Variants in GRTP1 observed in about 807,000 individuals in gnomAD.
GRTP1 encodes growth hormone-regulated TBC protein 1.
Under a neutral mutation model 38.1 loss-of-function variants are expected in GRTP1, and 56 were observed. The ratio of observed to expected loss-of-function variants is 1.47; its 90% confidence interval spans 1.19 to 1.84. The LOEUF is 1.84. Among genes scored for constraint, GRTP1 ranks in the 40% most tolerant of loss-of-function variants. GRTP1 has a pLI of 0.00. For missense variants in GRTP1, 506 were observed against 453.9 expected (o/e 1.11, Z -1.04); for synonymous variants, 217 against 189.5 (o/e 1.14, Z -1.19).
chr13:113,326,088 T>TA lies in GRTP1; in HGVS notation c.565dup (p.Tyr189LeufsTer68), dbSNP rs765147917. 1.2e-6 allele frequency: 2 copies of TA among 1,607,992 alleles called. No homozygotes were observed. Among genetic ancestry groups the TA allele is most frequent in the South Asian group, 2.2e-5 (2 of 91,022 alleles). On this transcript the variant is annotated frameshift_variant, in exon 6 of 8. Transcript: ENST00000375431. LOFTEE classifies it high-confidence loss of function. ...CAGGCCCAGCATGGCCGGGCTGTAG[T>TA]AATCTGCCAGGCAATGTGGAGAAAA...
chr13:113,356,506 T>C lies in GRTP1; in HGVS notation c.182-1025A>G, dbSNP rs144120521. On this transcript the variant is annotated intron_variant, in intron 2 of 7. Transcript: ENST00000375431. ...TGGTCTTGAACTCTTGACCTCATGA[T>C]CCGCCCACCTCGGCCTCCCAAAGTG... Among the ~76,000 whole-genome samples, 719 of 152,226 alleles carry C rather than the reference T, an allele frequency of 4.7e-3. 6 individuals are homozygous for C. Among genetic ancestry groups the C allele is most frequent in the African/African-American group, 0.016 (673 of 41,536 alleles).
chr13:113,363,621 G>C (rs2043541387), intron 2 of GRTP1, 141 bp downstream of exon 2: 4 of 879,788 alleles, frequency 4.5e-6, no homozygotes, highest in African/African-American at 1.7e-5. Context: ...GGCTGCCCTA[G>C]CTCGGAGCCC....
chr13:113,326,230 A>G, intron 5 of GRTP1, 139 bp from the exon 6 acceptor site: 1 of 1,061,608 alleles, frequency 9.4e-7, no homozygotes, highest in East Asian at 2.6e-5. Context: ...TTGGAGAGGA[A>G]GAGTCGGGGT....
chr13:113,339,423 A>G lies in GRTP1; in HGVS notation c.562+5440T>C, dbSNP rs889851493. On this transcript the variant is annotated intron_variant, in intron 5 of 7. Coordinates refer to ENST00000375431, the MANE Select transcript of GRTP1 (RefSeq NM_024719.4). Reference sequence around the variant, plus strand: ...AATTATGTTCAAGAACTTCTCCCCTACTCCCACATGACACGACTGTTCTGT... The same window carrying G: ...AATTATGTTCAAGAACTTCTCCCCTGCTCCCACATGACACGACTGTTCTGT... 2.6e-5 allele frequency: 4 copies of G among 151,748 alleles called. No individual in the cohort carries two copies. The South Asian group carries it at 8.3e-4, about 32-fold the overall frequency. 9.4% of individuals were successfully genotyped at this position (151,748 alleles called of 1,614,324 possible).
intron 5 of GRTP1, among the ~76,000 whole-genome samples, chr13:113,340,510 A>G (rs35119437): frequency 0.24 from 36,595 of 151,350 alleles, 6,134 homozygotes; most frequent in African/African-American, 0.48. Flanking sequence ...CAGGCGCTGT[A>G]GTTCACGCCT....
rs373137517 is a variant in GRTP1 at position 113,330,275 on chromosome 13, AG to A, written c.563-4185del. ...AACCCAGGTGTGTGCATGGGAGCCC[AG>A]GTGTGTGCGTGGAAACTCAGGTGCG... On this transcript the variant is annotated intron_variant, in intron 5 of 7. Transcript: ENST00000375431. 1.9e-3 allele frequency among the ~76,000 whole-genome samples: 205 copies of A among 105,390 alleles called. 1 individual carries two copies. Among genetic ancestry groups the A allele is most frequent in the African/African-American group, 7.8e-3 (197 of 25,296 alleles). The allele number at this position is 105,390 out of a possible 152,430, so 69.1% of individuals were successfully genotyped here. A position where few individuals can be genotyped will look rare whatever the true frequency, so the allele number is the denominator to read the frequency against.
Position 113,346,134 on chromosome 13 carries a change from A to G in GRTP1, c.466-1175T>C, listed in dbSNP as rs1385779176. Among the ~76,000 whole-genome samples, 209 of 41,896 alleles carry G rather than the reference A, an allele frequency of 5.0e-3. 21 individuals carry two copies. Among genetic ancestry groups the G allele is most frequent in the African/African-American group, 6.2e-3 (52 of 8,376 alleles). The allele number at this position is 41,896 out of a possible 152,430, so 27.5% of individuals were successfully genotyped here. On this transcript the variant is annotated intron_variant, in intron 4 of 7. Transcript: ENST00000375431. ...CAGACCCGGGAGGACCTCTGTGGACAAGAGCAGACCCGGGAGGACCTCTGT... is the reference window on the plus strand; with the variant it reads ...CAGACCCGGGAGGACCTCTGTGGACGAGAGCAGACCCGGGAGGACCTCTGT...
In GRTP1 at chr13:113,352,252, ATT is replaced by A. The variant is rs1566437454; in HGVS notation, c.341-1281_341-1280del. Among the ~76,000 whole-genome samples, 4 of 121,004 alleles carry A rather than the reference ATT, an allele frequency of 3.3e-5. No homozygotes were observed. In the East Asian group the frequency reaches 6.5e-4, roughly 20 times the overall value. The allele number at this position is 121,004 out of a possible 152,430, so 79.4% of individuals were successfully genotyped here. ...TATATTTATATATATATTTATATATATTTATATATTTTTATATTTTTATATAT... is the reference window on the plus strand; with the variant it reads ...TATATTTATATATATATTTATATATATATATATTTTTATATTTTTATATAT... On this transcript the variant is annotated intron_variant, in intron 3 of 7. Coordinates refer to ENST00000375431, the MANE Select transcript of GRTP1 (RefSeq NM_024719.4).
chr13:113,345,532 C>T (rs923672275), intron 4 of GRTP1, among the ~76,000 whole-genome samples: 1 of 152,236 alleles, frequency 6.6e-6, no homozygotes, highest in African/African-American at 2.4e-5. Context: ...AGCGCCATTT[C>T]CAGGTGACTG....
At position 113,349,336 on chromosome 13, in the gene GRTP1, G is replaced by C. The variant is rs1398881159; in HGVS notation, c.465+1513C>G. 6.6e-6 allele frequency among the ~76,000 whole-genome samples: 1 copy of C among 152,014 alleles called. No individual in the cohort carries two copies. Among genetic ancestry groups the C allele is most frequent in the Non-Finnish European group, 1.5e-5 (1 of 68,026 alleles). On this transcript the variant is annotated intron_variant, in intron 4 of 7. Transcript: ENST00000375431. The surrounding 1 kb of genome is among the most constrained non-coding windows in gnomAD (Gnocchi z 5.0). ...CTCGAGCAGCCGGGACCACAGGCGT[G>C]TGCCACCACACCCCGCTAATTTTTA... is the stretch of plus-strand genomic sequence containing the variant.
At chr13:113,361,501 C>T (rs1319235419) in intron 2 of GRTP1, 1 of 152,224 alleles carries the variant, frequency 6.6e-6, no homozygotes, top group Non-Finnish European at 1.5e-5. Flanking sequence ...GGGAGAATGA[C>T]TGTGCAGTTG....
At chr13:113,340,411 C>T (rs1440252548) in intron 5 of GRTP1, among the ~76,000 whole-genome samples, 1 of 151,482 alleles carries the variant, frequency 6.6e-6, no homozygotes. Flanking sequence ...CTAAGGAGGT[C>T]GAGGCTGCAG....
intron 5 of GRTP1, among the ~76,000 whole-genome samples, chr13:113,338,136 T>C (rs1402244282): frequency 6.6e-6 from 1 of 152,058 alleles, no homozygotes; most frequent in Non-Finnish European, 1.5e-5. Flanking sequence ...CCGGTCAACC[T>C]CCTCCTCTGA....
At chr13:113,328,729 C>G (rs2042812281) in intron 5 of GRTP1, among the ~76,000 whole-genome samples, 1 of 152,188 alleles carries the variant, frequency 6.6e-6, no homozygotes. Flanking sequence ...ACCATGTTGC[C>G]CAGGCTGGTC....
intron 2 of GRTP1, chr13:113,360,240 G>T (rs775973151): frequency 1.3e-5 from 2 of 152,154 alleles, no homozygotes; most frequent in Non-Finnish European, 2.9e-5. Flanking sequence ...TCTTTCCAGG[G>T]AGGAAGAGGA....
At chr13:113,352,943 T>C (rs2043312704) in intron 3 of GRTP1, among the ~76,000 whole-genome samples, 1 of 147,114 alleles carries the variant, frequency 6.8e-6, no homozygotes, top group African/African-American at 2.6e-5. Context: ...ACACTCTGGG[T>C]AGGAGCCCAC....
In GRTP1 at chr13:113,347,611, TCTGTGGCTGAGAGC is replaced by T. The variant is rs1446825322; in HGVS notation, c.466-2666_466-2653del. Among the ~76,000 whole-genome samples the T allele has an allele frequency of 3.3e-4, 25 of 75,666 alleles. 1 individual carries two copies. The highest frequency in any genetic ancestry group is 4.9e-4 in the African/African-American group (9 of 18,512). 49.6% of individuals were successfully genotyped at this position (75,666 alleles called of 152,430 possible). ...GGCTGAGAACAGACCCGGGAGGACC[TCTGTGGCTGAGAGC>T]GGACCTGGGAGGACCTCTGTGGCTG... On this transcript the variant is annotated intron_variant, in intron 4 of 7. Transcript: ENST00000375431.
At chr13:113,330,125 A>C (rs2042837906) in intron 5 of GRTP1, among the ~76,000 whole-genome samples, 2 of 149,492 alleles carry the variant, frequency 1.3e-5, no homozygotes, top group Admixed American at 1.3e-4. Context: ...GGGTGTGTGC[A>C]TGGAAACCCA....
chr13:113,356,973 GGA>G (rs1171008424), intron 2 of GRTP1, among the ~76,000 whole-genome samples: 3 of 152,198 alleles, frequency 2.0e-5, no homozygotes, highest in East Asian at 1.9e-4. Context: ...AAGACCCAGA[GGA>G]GAGAGAAAAC....
Sources: allele counts gnomAD v4.1 joint callset (sites outside exome capture counted in the v4.1 genomes callset), GRCh38; gene constraint gnomAD v4.1.1; non-coding constraint Gnocchi (gnomAD v3.1); transcripts MANE v1.5; gene names NCBI Gene and HGNC (gene_info 2026-07-23, HGNC 2026-07-21).